The following MAJIN variants were observed in gnomAD, a reference collection of about 807,000 sequenced individuals.
MAJIN encodes membrane anchored junction protein.
MAJIN carries 27 observed loss-of-function variants against 30.2 expected under a neutral mutation model. That is an observed-to-expected ratio of 0.89 (90% CI 0.66 to 1.23). The LOEUF (loss-of-function observed/expected upper bound fraction) is 1.23. Ranked by LOEUF, MAJIN falls within the 50% of genes most tolerant of loss-of-function variation. The pLI is 0.00. For missense variants in MAJIN, 253 were observed against 260.3 expected, an observed-to-expected ratio of 0.97 and a Z score of 0.19; for synonymous variants, 78 against 91.6, an observed-to-expected ratio of 0.85 and a Z score of 0.85.
rs561863928 is a variant in MAJIN at position 64,950,987 on chromosome 11, A to G, written c.148-557T>C. Reference sequence around the variant, plus strand: ...AAATCCGACCTATCCTTTCAGGCATAGTTCAAAAGGCATCTCCTCCAGAAA... The same window carrying G: ...AAATCCGACCTATCCTTTCAGGCATGGTTCAAAAGGCATCTCCTCCAGAAA... On this transcript the variant is annotated intron_variant, in intron 4 of 10. Transcript: ENST00000301896. Among the ~76,000 whole-genome samples, 3 of 152,324 alleles carry G rather than the reference A, an allele frequency of 2.0e-5. No homozygotes were observed. The East Asian group carries it at 5.8e-4, about 29-fold the overall frequency.
At chr11:64,950,228 G>T in intron 5 of MAJIN, 127 bp downstream of exon 5, 1 of 816,574 alleles carries the variant, frequency 1.2e-6, no homozygotes, top group Non-Finnish European at 1.9e-6. Context: ...TACTGGAGAG[G>T]CTGAGGCAAG....
At chr11:64,949,959 C>A (rs1001034212) in intron 5 of MAJIN, 91 bp from the exon 6 acceptor site, 1 of 1,492,186 alleles carries the variant, frequency 6.7e-7, no homozygotes, top group Non-Finnish European at 9.1e-7. Context: ...TTCCCCTGAC[C>A]TACCCTCCAA....
intron 1 of MAJIN, among the ~76,000 whole-genome samples, chr11:64,968,329 G>A (rs952667162): frequency 3.3e-5 from 5 of 151,918 alleles, no homozygotes; most frequent in East Asian, 1.9e-4. Flanking sequence ...GGAGTATAGC[G>A]ACACAATCAC....
chr11:64,947,125 C>T (rs1394671217), intron 8 of MAJIN, among the ~76,000 whole-genome samples: 2 of 152,190 alleles, frequency 1.3e-5, no homozygotes, highest in East Asian at 1.9e-4. Flanking sequence ...TTGTTTAGAT[C>T]GGACTGTATT....
intron 6 of MAJIN, among the ~76,000 whole-genome samples, chr11:64,948,632 TATATATA>T (rs1294896009): frequency 2.6e-4 from 13 of 49,708 alleles, no homozygotes; most frequent in South Asian, 9.2e-4. Flanking sequence ...TATATATATA[TATATATA>T]TTTTTTTTTT....
chr11:64,959,390 A>G lies in MAJIN; in HGVS notation c.16T>C (p.Phe6Leu). 6.2e-7 allele frequency: 1 copy of G among 1,613,838 alleles called. No individual in the cohort carries two copies. The highest frequency in any genetic ancestry group is 8.5e-7 in the Non-Finnish European group (1 of 1,179,716). The change falls in exon 3 of 11, where the codon TTT becomes CTT. Residue 6 changes from phenylalanine (F) to leucine (L), a missense_variant. Phe to Leu is a conservative substitution (Grantham distance 22). Transcript: ENST00000301896. ...CTCGTCTCTGGAAACGGGTAGGTAA[A>G]GGGTTTTAAACTCATTGCTCCCAAA... MSLKP[F>L]TYPFPETRFL...
At chr11:64,964,800 G>A (rs1945781677) in intron 1 of MAJIN, among the ~76,000 whole-genome samples, 1 of 151,838 alleles carries the variant, frequency 6.6e-6, no homozygotes, top group African/African-American at 2.4e-5. Context: ...TTGCCAGGCT[G>A]GTCTCAAACT....
At chr11:64,961,184 T>C (rs925526936) in intron 1 of MAJIN, among the ~76,000 whole-genome samples, 1 of 151,946 alleles carries the variant, frequency 6.6e-6, no homozygotes, top group Non-Finnish European at 1.5e-5. Context: ...TTTTTTTTTT[T>C]TGAGTCAGGG....
Position 64,947,381 on chromosome 11 carries a change from G to C in MAJIN, c.466C>G (p.Leu156Val). The change falls in exon 8 of 11, where the codon CTG becomes GTG. Residue 156 changes from leucine to valine, a missense_variant. Coordinates refer to ENST00000301896, the MANE Select transcript of MAJIN (RefSeq NM_001037225.3). Reference protein sequence around the residue: ...DEPSSPSRPGLDRIGKEKPNK... With the variant: ...DEPSSPSRPGVDRIGKEKPNK... ...TCTCCCCACACCACTGACCTGTCCA[G>C]CCCTGGCCTGCTGGGGGAGCTGGGC... 1 of 1,613,174 alleles carries C rather than the reference G, an allele frequency of 6.2e-7. No homozygotes were observed.
chr11:64,964,707 G>A (rs1032506110), intron 1 of MAJIN, among the ~76,000 whole-genome samples: 6 of 151,296 alleles, frequency 4.0e-5, no homozygotes, highest in Non-Finnish European at 5.9e-5. Flanking sequence ...ATGCCTCGGC[G>A]TCTCGAGTAG....
At chr11:64,942,213 G>A (rs1332924384) in intron 8 of MAJIN, among the ~76,000 whole-genome samples, 1 of 152,032 alleles carries the variant, frequency 6.6e-6, no homozygotes, top group Non-Finnish European at 1.5e-5. Flanking sequence ...CTGTTTTGCT[G>A]GTGAAGAGTT....
intron 1 of MAJIN, among the ~76,000 whole-genome samples, chr11:64,962,859 G>A (rs1313491815): frequency 2.6e-5 from 4 of 152,154 alleles, no homozygotes; most frequent in Non-Finnish European, 5.9e-5. Context: ...AGGCATGGTA[G>A]CTCACGCCTG....
chr11:64,950,055 C>T (rs1945525809), intron 5 of MAJIN, among the ~76,000 whole-genome samples, 187 bp from the exon 6 acceptor site: 2 of 152,102 alleles, frequency 1.3e-5, no homozygotes, highest in East Asian at 1.9e-4. Context: ...ATAGGCTGGG[C>T]GCAGTGGCTC....
chr11:64,944,060 G>A (rs1945415040), intron 8 of MAJIN, among the ~76,000 whole-genome samples: 1 of 152,180 alleles, frequency 6.6e-6, no homozygotes, highest in Admixed American at 6.6e-5. Flanking sequence ...TAAATTACAA[G>A]CTCCTAGAAA....
chr11:64,958,431 C>A (rs1424131867), intron 3 of MAJIN, among the ~76,000 whole-genome samples: 5 of 151,562 alleles, frequency 3.3e-5, no homozygotes, highest in Admixed American at 3.3e-4. Context: ...GCCTGAGCAA[C>A]ACAGTGAGAC....
At chr11:64,950,859 G>A (rs631012) in intron 4 of MAJIN, among the ~76,000 whole-genome samples, 70,583 of 152,042 alleles carry the variant, frequency 0.46, 18,794 homozygotes, top group Non-Finnish European at 0.62. Flanking sequence ...TGGGATTACA[G>A]GCATGAGCCA....
At chr11:64,940,940 G>A (rs1945368503) in intron 8 of MAJIN, among the ~76,000 whole-genome samples, 1 of 137,446 alleles carries the variant, frequency 7.3e-6, no homozygotes, top group Admixed American at 8.4e-5. Flanking sequence ...TCCGGTTCAC[G>A]CCATTCTCCT....
At chr11:64,947,566 G>A in intron 7 of MAJIN, 101 bp from the exon 8 acceptor site, 27 of 1,258,914 alleles carry the variant, frequency 2.1e-5, no homozygotes, top group Non-Finnish European at 2.7e-5. Flanking sequence ...ACTGCCAAAG[G>A]CAACTTTTAA....
chr11:64,944,124 C>A (rs762004085), intron 8 of MAJIN, among the ~76,000 whole-genome samples: 4 of 152,230 alleles, frequency 2.6e-5, no homozygotes, highest in Non-Finnish European at 5.9e-5. Flanking sequence ...CAACACAATG[C>A]CTTGTGAGCA....
Sources: allele counts gnomAD v4.1 joint callset (sites outside exome capture counted in the v4.1 genomes callset), GRCh38; gene constraint gnomAD v4.1.1; transcripts MANE v1.5; gene names NCBI Gene and HGNC (gene_info 2026-07-23, HGNC 2026-07-21).